The following NR5A2 variants were observed in gnomAD, a reference collection of about 807,000 sequenced individuals.
NR5A2 encodes the protein nuclear receptor subfamily 5 group A member 2, also known as CYP7A promoter-binding factor.
A neutral mutation model predicts 62.7 loss-of-function variants in NR5A2; 26 were observed. The observed-to-expected ratio is 0.41, with a 90% confidence interval of 0.30 to 0.58. The LOEUF (loss-of-function observed/expected upper bound fraction) is 0.58, where lower values mean the gene tolerates loss of function less well. Among genes scored for constraint, NR5A2 ranks in the 20% least tolerant of loss-of-function variants. The probability of loss-of-function intolerance (pLI) is 0.22; values close to 1 mark genes in which losing one functional copy is unlikely to be tolerated. For missense variants in NR5A2, 541 were observed against 669.1 expected (o/e 0.81, Z 2.11); for synonymous variants, 246 against 241.7 (o/e 1.02, Z -0.16).
At chr1:200,070,008 G>GT (rs80109968) in intron 5 of NR5A2, among the ~76,000 whole-genome samples, 1,935 of 145,970 alleles carry the variant, frequency 0.013, 16 homozygotes, top group African/African-American at 0.025. Flanking sequence ...CTAAGGGAAA[G>GT]TTTTTTTTTT....
chr1:200,118,760 G>A (rs2737677), intron 6 of NR5A2, among the ~76,000 whole-genome samples: 2,458 of 152,348 alleles, frequency 0.016, 77 homozygotes, highest in African/African-American at 0.056. Context: ...GAAGTAGAAA[G>A]TTCCCCTGTA....
At chr1:200,074,768 C>CAAAAAAAAAAAA (rs1663948059) in intron 5 of NR5A2, among the ~76,000 whole-genome samples, 1 of 96,764 alleles carries the variant, frequency 1.0e-5, no homozygotes, top group Non-Finnish European at 2.0e-5. Flanking sequence ...ACGAGAGAAA[C>CAAAAAAAAAAAA]ACAAATCTCA....
At chr1:200,112,828 C>G (rs909504431) in intron 6 of NR5A2, among the ~76,000 whole-genome samples, 2 of 152,174 alleles carry the variant, frequency 1.3e-5, no homozygotes, top group African/African-American at 4.8e-5. Flanking sequence ...CCACCTTCAC[C>G]GAACTAGGAG....
At position 200,058,627 on chromosome 1, in the gene NR5A2, C is replaced by T. The variant is rs562783958; in HGVS notation, c.1110+9809C>T. 9.9e-5 allele frequency among the ~76,000 whole-genome samples: 15 copies of T among 151,838 alleles called. No individual in the cohort carries two copies. The South Asian group carries it at 2.3e-3, about 23-fold the overall frequency. ...TCCCGAGTAGCTGAGATCAGGCACA[C>T]GCCACCATGCCCTGCTAATTTTTGT... On this transcript the variant is annotated intron_variant, in intron 5 of 7. Coordinates refer to ENST00000367362, the MANE Select transcript of NR5A2 (RefSeq NM_205860.3).
chr1:200,084,237 T>G (rs1664427506), intron 5 of NR5A2, among the ~76,000 whole-genome samples: 1 of 152,098 alleles, frequency 6.6e-6, no homozygotes, highest in Non-Finnish European at 1.5e-5. Context: ...TAAAAAGCAC[T>G]TATAATCTGG....
intron 7 of NR5A2, among the ~76,000 whole-genome samples, chr1:200,166,777 G>A (rs901549874): frequency 1.3e-5 from 2 of 152,140 alleles, no homozygotes; most frequent in Admixed American, 6.5e-5. Context: ...TCCTAGATGA[G>A]CTTCTCAACC....
At position 200,039,811 on chromosome 1, in the gene NR5A2, G is replaced by T. The variant is rs773902379; in HGVS notation, c.202+16G>T. ...AACATGCAAGGTAAGGAGGCGCCGC[G>T]CGGCGCTCCGGCTCCCGCTGCTTCC... On this transcript the variant is annotated intron_variant, in intron 2 of 7. Transcript: ENST00000367362. The surrounding 1 kb of genome is among the most constrained non-coding windows in gnomAD (Gnocchi z 5.1). The T allele has an allele frequency of 1.3e-6, 2 of 1,589,190 alleles. No individual in the cohort carries two copies. Among genetic ancestry groups the T allele is most frequent in the Middle Eastern group, 1.9e-4 (1 of 5,178 alleles).
rs1667768531 is a variant in NR5A2, at chr1:200,147,620, G to A, written c.1379-26343G>A. On this transcript the variant is annotated intron_variant, in intron 7 of 7. Transcript: ENST00000367362. The surrounding 1 kb of genome is among the most constrained non-coding windows in gnomAD (Gnocchi z 4.9). The stretch of plus-strand genomic sequence containing the variant: ...CAGAGCACATTTTCGCACAGGCAGC[G>A]CCGCAGCTTGCCCTGGATCTTGTCG... 1 of 714,168 alleles carries A rather than the reference G, an allele frequency of 1.4e-6. No homozygotes were observed. Among genetic ancestry groups the A allele is most frequent in the Middle Eastern group, 2.9e-4 (1 of 3,488 alleles). 44.2% of individuals were successfully genotyped at this position (714,168 alleles called of 1,614,324 possible).
rs1486323996 is a variant in NR5A2 at position 200,053,565 on chromosome 1, A to ACACG, written c.1110+4751_1110+4754dup. Among the ~76,000 whole-genome samples, 127 of 84,344 alleles carry ACACG rather than the reference A, an allele frequency of 1.5e-3. 1 individual carries two copies. The Middle Eastern group carries it at 0.019, about 13-fold the overall frequency. The allele number at this position is 84,344 out of a possible 152,430, so 55.3% of individuals were successfully genotyped here. The stretch of plus-strand genomic sequence containing the variant: ...CATTCCCTCATCCCCCCCAGCATGC[A>ACACG]CACGCACACACACACACACACACAC... On this transcript the variant is annotated intron_variant, in intron 5 of 7. Coordinates refer to ENST00000367362, the MANE Select transcript of NR5A2 (RefSeq NM_205860.3).
intron 7 of NR5A2, among the ~76,000 whole-genome samples, chr1:200,150,453 A>ATTAGAGCTTCTTG (rs1199918393): frequency 7.2e-5 from 11 of 152,240 alleles, no homozygotes; most frequent in African/African-American, 2.4e-4. Context: ...ACCACTTAGA[A>ATTAGAGCTTCTTG]TTAGAGCTTC....
chr1:200,157,936 G>A (rs1265095779), intron 7 of NR5A2, among the ~76,000 whole-genome samples: 1 of 152,192 alleles, frequency 6.6e-6, no homozygotes, highest in African/African-American at 2.4e-5. Flanking sequence ...TTAAAGAGTA[G>A]CTTTAATTTA....
chr1:200,172,058 C>T (rs759714008), intron 7 of NR5A2, among the ~76,000 whole-genome samples: 8 of 152,170 alleles, frequency 5.3e-5, no homozygotes, highest in Non-Finnish European at 1.0e-4. Context: ...CTCTATTAAT[C>T]TCTGACTGTT....
chr1:200,028,808 A>G (rs983491389), intron 1 of NR5A2, among the ~76,000 whole-genome samples: 1 of 152,114 alleles, frequency 6.6e-6, no homozygotes, highest in African/African-American at 2.4e-5. Flanking sequence ...TCTCAGCTCC[A>G]TTATAACAAG....
intron 7 of NR5A2, among the ~76,000 whole-genome samples, chr1:200,140,224 T>C (rs1393965808): frequency 1.3e-5 from 2 of 151,954 alleles, no homozygotes; most frequent in African/African-American, 4.8e-5. Context: ...ATTATTATCG[T>C]GTGCTTCTTA....
At chr1:200,164,881 T>G (rs1246784843) in intron 7 of NR5A2, among the ~76,000 whole-genome samples, 11 of 142,804 alleles carry the variant, frequency 7.7e-5, no homozygotes, top group Non-Finnish European at 4.6e-5. Context: ...TTTTTTTTTT[T>G]TTTTTTTTTT....
chr1:200,142,505 C>A (rs967431639), intron 7 of NR5A2, among the ~76,000 whole-genome samples: 4 of 151,558 alleles, frequency 2.6e-5, no homozygotes, highest in Non-Finnish European at 5.9e-5. Flanking sequence ...CTAAAGACTT[C>A]TTTTTTTTAA....
At chr1:200,132,353 G>A (rs2816959) in intron 7 of NR5A2, among the ~76,000 whole-genome samples, 131,152 of 152,146 alleles carry the variant, frequency 0.86, 56,570 homozygotes, top group East Asian at 0.98. Flanking sequence ...GGAAACTCCT[G>A]TGATACAGAG....
intron 7 of NR5A2, among the ~76,000 whole-genome samples, chr1:200,160,028 A>G (rs1653572541): frequency 6.6e-6 from 1 of 151,966 alleles, no homozygotes; most frequent in Non-Finnish European, 1.5e-5. Flanking sequence ...CACCCTCCTC[A>G]CTGTCATCCA....
intron 7 of NR5A2, among the ~76,000 whole-genome samples, chr1:200,131,021 C>A (rs12028870): frequency 6.6e-6 from 1 of 152,316 alleles, no homozygotes; most frequent in East Asian, 1.9e-4. Flanking sequence ...TATCTTCATA[C>A]TAATGCCTTG....
Sources: allele counts gnomAD v4.1 joint callset (sites outside exome capture counted in the v4.1 genomes callset), GRCh38; gene constraint gnomAD v4.1.1; non-coding constraint Gnocchi (gnomAD v3.1); transcripts MANE v1.5; gene names NCBI Gene and HGNC (gene_info 2026-07-23, HGNC 2026-07-21).